The following IL1RN variants were observed in gnomAD, a reference collection of about 807,000 sequenced individuals.
The protein encoded by IL1RN is interleukin-1 receptor antagonist protein.
In IL1RN, 10 loss-of-function variants were observed where a neutral mutation model predicts 13.7. The observed-to-expected ratio is 0.73, with a 90% confidence interval of 0.45 to 1.24. IL1RN has a LOEUF of 1.24. Among genes scored for constraint, IL1RN ranks in the 50% most tolerant of loss-of-function variants. The probability of loss-of-function intolerance (pLI) is 0.00; values close to 1 mark genes in which losing one functional copy is unlikely to be tolerated. For missense variants in IL1RN, 213 were observed against 222.1 expected (o/e 0.96, Z 0.26); for synonymous variants, 102 against 82.7 (o/e 1.23, Z -1.27).
chr2:113,105,247 C>T (rs1236414641), upstream of IL1RN, among the ~76,000 whole-genome samples: 14 of 152,070 alleles, frequency 9.2e-5, no homozygotes, highest in Non-Finnish European at 1.3e-4. Flanking sequence ...GAGCTTATGA[C>T]GTCAGGGGCT....
chr2:113,099,723 C>CTTTTTTTTTT, the IL1RN span, among the ~76,000 whole-genome samples: 54 of 72,218 alleles, frequency 7.5e-4, 3 homozygotes, highest in Non-Finnish European at 1.2e-3. Context: ...CCTCTTCTTT[C>CTTTTTTTTTT]TTTTCTTTTT....
chr2:113,111,339 A>G (rs540837906), intron 1 of IL1RN: 7 of 152,296 alleles, frequency 4.6e-5, no homozygotes, highest in Admixed American at 3.9e-4. Flanking sequence ...CTACATATCT[A>G]GTGTTTATTT....
chr2:113,099,450 G>A, the IL1RN span, among the ~76,000 whole-genome samples: 1 of 152,234 alleles, frequency 6.6e-6, no homozygotes, highest in Admixed American at 6.5e-5. Context: ...AAGCTGGTGA[G>A]CAGGGCTGAG....
chr2:113,126,907 G>T (rs778542830), upstream of IL1RN, among the ~76,000 whole-genome samples: 1 of 152,178 alleles, frequency 6.6e-6, no homozygotes, highest in Non-Finnish European at 1.5e-5. Flanking sequence ...TAAGATAGTG[G>T]GAAAAGAGTT....
intron 1 of IL1RN, chr2:113,119,935 G>T: frequency 2.6e-6 from 2 of 757,730 alleles, no homozygotes; most frequent in South Asian, 1.5e-5. Context: ...AAACTGGAAG[G>T]GTGAGAACAG....
upstream of IL1RN, among the ~76,000 whole-genome samples, chr2:113,107,009 T>TA (rs1428167947): frequency 6.6e-6 from 1 of 152,160 alleles, no homozygotes; most frequent in Non-Finnish European, 1.5e-5. Flanking sequence ...CTGAAAGATT[T>TA]AAAAAACTAT....
At chr2:113,125,047 A>C (rs1686908696), upstream of IL1RN, among the ~76,000 whole-genome samples, 1 of 151,850 alleles carries the variant, frequency 6.6e-6, no homozygotes, top group East Asian at 1.9e-4. Context: ...CCAGGATGGA[A>C]CTCTCCACCC....
chr2:113,117,997 C>G, exon 1 of IL1RN: 1 of 1,433,462 alleles, frequency 7.0e-7, no homozygotes, highest in Non-Finnish European at 9.9e-7. Flanking sequence ...CAGAAGACCT[C>G]CTGTCCTATG....
At chr2:113,113,881 T>A (rs1686544424), upstream of IL1RN, among the ~76,000 whole-genome samples, 1 of 152,234 alleles carries the variant, frequency 6.6e-6, no homozygotes, top group East Asian at 1.9e-4. Flanking sequence ...GTGAGCTTTG[T>A]GGCTGTGGAT....
chr2:113,114,183 A>G (rs1686549454), upstream of IL1RN, among the ~76,000 whole-genome samples: 1 of 152,172 alleles, frequency 6.6e-6, no homozygotes, highest in Non-Finnish European at 1.5e-5. Flanking sequence ...TTGTTTCTCT[A>G]TCGAAGGCCA....
chr2:113,117,607 A>G, upstream of IL1RN: 1 of 272,220 alleles, frequency 3.7e-6, no homozygotes, highest in Non-Finnish European at 7.1e-6. Flanking sequence ...TTAAGCCAAC[A>G]CATATGTTTT....
intron 1 of IL1RN, among the ~76,000 whole-genome samples, chr2:113,112,250 C>T (rs1047012811): frequency 9.2e-5 from 14 of 152,288 alleles, no homozygotes; most frequent in East Asian, 1.9e-4. Flanking sequence ...GCCCAGCCAC[C>T]GTGTTACATG....
chr2:113,109,763 CAA>C (rs55942804), upstream of IL1RN, among the ~76,000 whole-genome samples: 2 of 136,842 alleles, frequency 1.5e-5, no homozygotes. Context: ...ATTATGACTG[CAA>C]AAAAAAAAAA....
intron 1 of IL1RN, chr2:113,119,975 C>A: frequency 1.0e-6 from 1 of 961,320 alleles, no homozygotes; most frequent in Non-Finnish European, 1.7e-6. Context: ...GAACCATGTG[C>A]ATACACTTTG....
chr2:113,125,167 T>C (rs1226397943), upstream of IL1RN, among the ~76,000 whole-genome samples: 2 of 152,236 alleles, frequency 1.3e-5, no homozygotes, highest in African/African-American at 4.8e-5. Context: ...GAACCTATCA[T>C]AGTCAGGTGC....
intron 2 of IL1RN, chr2:113,121,423 C>G: frequency 1.0e-6 from 1 of 983,678 alleles, no homozygotes; most frequent in Non-Finnish European, 1.2e-6. Context: ...GGTGTCTGTT[C>G]TTCTCCATTT....
chr2:113,122,878 C>G (rs796888104), upstream of IL1RN, among the ~76,000 whole-genome samples: 1 of 152,170 alleles, frequency 6.6e-6, no homozygotes, highest in Admixed American at 6.5e-5. Flanking sequence ...GTAATCCCAG[C>G]ACTTTGGGAG....
At position 113,127,618 on chromosome 2, in the gene IL1RN, T is replaced by A. The variant is rs1687007185; in HGVS notation, c.-7T>A. ...ATGGCAGTCCACTGCCTTGCTGCAG[T>A]CACAGAATGGAAATCTGCAGAGGCC... On this transcript the variant is annotated 5_prime_UTR_variant, in exon 1 of 4. Transcript: ENST00000409930. The A allele has an allele frequency of 6.2e-7, 1 of 1,613,814 alleles. No homozygotes were observed. The highest frequency in any genetic ancestry group is 8.5e-7 in the Non-Finnish European group (1 of 1,179,904).
At position 113,132,955 on chromosome 2, in the gene IL1RN, A is replaced by G. The variant is rs1687228385; in HGVS notation, c.*84A>G. On this transcript the variant is annotated 3_prime_UTR_variant, in exon 4 of 4. Transcript: ENST00000409930. ...TCCCCCTGCCCCAGGGCTCCCGGCT[A>G]TGGGGGCACTGAGGACCAGCCATTG... The G allele has an allele frequency of 8.3e-6, 11 of 1,328,878 alleles. No individual in the cohort carries two copies. In the South Asian group the frequency reaches 1.1e-4, roughly 13 times the overall value. 82.3% of individuals were successfully genotyped at this position (1,328,878 alleles called of 1,614,324 possible). A position where few individuals can be genotyped will look rare whatever the true frequency, so the allele number is the denominator to read the frequency against.
Sources: gnomAD v4.1 joint callset for allele counts (sites outside exome capture counted in the v4.1 genomes callset) on GRCh38, gnomAD v4.1.1 for gene constraint, MANE v1.5 for transcripts, NCBI Gene and HGNC (gene_info 2026-07-23, HGNC 2026-07-21) for gene names.